The following FAM171B variants were observed in gnomAD, a reference collection of about 807,000 sequenced individuals.
The protein encoded by FAM171B is protein FAM171B.
A neutral mutation model predicts 75.6 loss-of-function variants in FAM171B; 19 were observed. The observed-to-expected ratio is 0.25, with a 90% CI of 0.18 to 0.37. FAM171B has a LOEUF of 0.37. FAM171B is among the 10% of genes least tolerant of loss of function. FAM171B has a pLI of 1.00. For missense variants in FAM171B, 848 were observed against 982.4 expected (o/e 0.86, Z 1.83); for synonymous variants, 367 against 361.7 (o/e 1.01, Z -0.17).
At chr2:186,743,029 T>C (rs1452792282) in intron 2 of FAM171B, among the ~76,000 whole-genome samples, 1 of 152,182 alleles carries the variant, frequency 6.6e-6, no homozygotes, top group Non-Finnish European at 1.5e-5. Context: ...CAGAAGAGCA[T>C]TGTGCTCTTA....
chr2:186,703,788 GT>G (rs529150317), intron 1 of FAM171B, among the ~76,000 whole-genome samples: 11 of 147,684 alleles, frequency 7.4e-5, no homozygotes, highest in African/African-American at 1.5e-4. Flanking sequence ...CATGAGTAGG[GT>G]TTTTTTTTTA....
chr2:186,697,501 A>G (rs1689600134), intron 1 of FAM171B, among the ~76,000 whole-genome samples: 1 of 152,118 alleles, frequency 6.6e-6, no homozygotes, highest in Admixed American at 6.6e-5. Context: ...CAATCCTCCC[A>G]TCTCAGCCTC....
intron 6 of FAM171B, among the ~76,000 whole-genome samples, chr2:186,759,704 GGAGTT>G (rs1374465633): frequency 5.3e-5 from 8 of 151,850 alleles, no homozygotes; most frequent in African/African-American, 1.9e-4. Flanking sequence ...TTTTTCCTCT[GGAGTT>G]GAGTTCCTTA....
At chr2:186,747,573 T>A (rs1304134978) in intron 4 of FAM171B, among the ~76,000 whole-genome samples, 1 of 152,122 alleles carries the variant, frequency 6.6e-6, no homozygotes, top group Non-Finnish European at 1.5e-5. Context: ...CTTTGAAAAT[T>A]TAATACATTC....
At chr2:186,754,159 G>T in intron 6 of FAM171B, 110 bp downstream of exon 6, 1 of 755,244 alleles carries the variant, frequency 1.3e-6, no homozygotes, top group Non-Finnish European at 2.1e-6. Context: ...CCAGCTATAT[G>T]ACAATGGGAA....
intron 2 of FAM171B, 118 bp from the exon 3 acceptor site, chr2:186,743,365 A>T (rs1018908440): frequency 1.6e-6 from 1 of 626,354 alleles, no homozygotes; most frequent in Non-Finnish European, 2.9e-6. Flanking sequence ...TCTTCCCATC[A>T]AGCATTTGTT....
At chr2:186,720,858 AAATAAT>A (rs1403524416) in intron 1 of FAM171B, among the ~76,000 whole-genome samples, 1 of 152,130 alleles carries the variant, frequency 6.6e-6, no homozygotes, top group Admixed American at 6.5e-5. Flanking sequence ...AATTTGTTTA[AAATAAT>A]AATAGTAACT....
At chr2:186,734,825 G>A (rs570516198) in intron 1 of FAM171B, among the ~76,000 whole-genome samples, 3 of 152,342 alleles carry the variant, frequency 2.0e-5, no homozygotes, top group Non-Finnish European at 2.9e-5. Flanking sequence ...GGGCCTAGGC[G>A]ACAGGGGGCT....
chr2:186,745,011 G>T (rs1181013174), intron 3 of FAM171B, among the ~76,000 whole-genome samples: 2 of 151,632 alleles, frequency 1.3e-5, no homozygotes, highest in African/African-American at 2.4e-5. Context: ...CTTATTTTTC[G>T]TAGAGATGGG....
At chr2:186,712,591 C>T (rs562016715) in intron 1 of FAM171B, among the ~76,000 whole-genome samples, 188 of 152,270 alleles carry the variant, frequency 1.2e-3, no homozygotes, top group Non-Finnish European at 2.1e-3. Flanking sequence ...AACTGTCAGT[C>T]GATCATATTA....
intron 1 of FAM171B, among the ~76,000 whole-genome samples, chr2:186,699,864 A>G (rs1456819355): frequency 6.6e-6 from 1 of 152,160 alleles, no homozygotes; most frequent in African/African-American, 2.4e-5. Context: ...TCCCAGCACT[A>G]TTTATTGAAT....
chr2:186,695,354 C>T (rs1227510584), intron 1 of FAM171B: 1 of 152,142 alleles, frequency 6.6e-6, no homozygotes, highest in Non-Finnish European at 1.5e-5. Context: ...CGCTTCATGG[C>T]TGTAGATTCT....
chr2:186,705,251 G>A (rs918665773), intron 1 of FAM171B, among the ~76,000 whole-genome samples: 1 of 152,192 alleles, frequency 6.6e-6, no homozygotes, highest in African/African-American at 2.4e-5. Context: ...TATTTCTAGG[G>A]AAGAGGTAGT....
chr2:186,694,960 C>G (rs1457757244), intron 1 of FAM171B, among the ~76,000 whole-genome samples: 1 of 152,106 alleles, frequency 6.6e-6, no homozygotes, highest in African/African-American at 2.4e-5. Flanking sequence ...TTATTTATTT[C>G]TCTTTCTCTT....
intron 1 of FAM171B, among the ~76,000 whole-genome samples, chr2:186,706,067 A>C (rs369932187): frequency 2.6e-5 from 4 of 152,270 alleles, no homozygotes; most frequent in South Asian, 4.2e-4. Context: ...AGTTAATCTT[A>C]ATATGGGCTC....
At chr2:186,754,434 G>A (rs1690499818) in intron 6 of FAM171B, among the ~76,000 whole-genome samples, 1 of 152,194 alleles carries the variant, frequency 6.6e-6, no homozygotes. Context: ...TCCTAGGAAA[G>A]GCTGAAGAAC....
intron 5 of FAM171B, among the ~76,000 whole-genome samples, chr2:186,751,517 T>G (rs1202573595): frequency 2.0e-5 from 3 of 152,190 alleles, no homozygotes; most frequent in Non-Finnish European, 4.4e-5. Context: ...GCATTATTTA[T>G]TCATTCCCTT....
intron 1 of FAM171B, among the ~76,000 whole-genome samples, chr2:186,708,868 A>G (rs1338421478): frequency 1.3e-5 from 2 of 152,224 alleles, no homozygotes; most frequent in Non-Finnish European, 1.5e-5. Context: ...TTAGGTTGAA[A>G]GTAAAAGGAT....
chr2:186,721,726 C>T (rs1196632994), intron 1 of FAM171B, among the ~76,000 whole-genome samples: 14 of 152,106 alleles, frequency 9.2e-5, no homozygotes. Flanking sequence ...GTGTCTCTCT[C>T]AGTGCCTAGT....
Sources: allele counts gnomAD v4.1 joint callset (sites outside exome capture counted in the v4.1 genomes callset), GRCh38; gene constraint gnomAD v4.1.1; transcripts MANE v1.5; gene names NCBI Gene and HGNC (gene_info 2026-07-23, HGNC 2026-07-21).